Variants in RNF170 observed in about 807,000 individuals in gnomAD.
RNF170 encodes the protein E3 ubiquitin-protein ligase RNF170.
Under a neutral mutation model 32.7 loss-of-function variants are expected in RNF170, and 12 were observed. The observed-to-expected ratio is 0.37, with a 90% CI of 0.24 to 0.60. The LOEUF is 0.60. Among genes scored for constraint, RNF170 ranks in the 20% least tolerant of loss-of-function variants. RNF170 has a pLI of 0.72. For missense variants in RNF170, 212 were observed against 311.2 expected (o/e 0.68, Z 2.40); for synonymous variants, 91 against 103.6 (o/e 0.88, Z 0.74).
chr8:42,853,983 A>G lies in RNF170; in HGVS notation c.*2176T>C, dbSNP rs751358691. 2 of 1,287,080 alleles carry G rather than the reference A, an allele frequency of 1.6e-6. No individual in the cohort carries two copies. Among genetic ancestry groups the G allele is most frequent in the South Asian group, 1.2e-5 (1 of 80,942 alleles). 79.7% of individuals were successfully genotyped at this position (1,287,080 alleles called of 1,614,324 possible). A position where few individuals can be genotyped will look rare whatever the true frequency, so the allele number is the denominator to read the frequency against. Reference sequence around the variant, plus strand: ...ACACAAAATAAAATCCTGTCAAAAAATGACATCACCATTCCCCCACACCAA... The same window carrying G: ...ACACAAAATAAAATCCTGTCAAAAAGTGACATCACCATTCCCCCACACCAA... On this transcript the variant is annotated 3_prime_UTR_variant, in exon 7 of 7. Coordinates refer to ENST00000527424, the MANE Select transcript of RNF170 (RefSeq NM_030954.4).
At chr8:42,849,995 A>C (rs527493897), downstream of RNF170, 1 of 152,296 alleles carries the variant, frequency 6.6e-6, no homozygotes. Flanking sequence ...AAGTTTCCTT[A>C]TGGTGGACAG....
At chr8:42,888,671 T>C (rs1185793375) in intron 1 of RNF170, among the ~76,000 whole-genome samples, 1 of 151,938 alleles carries the variant, frequency 6.6e-6, no homozygotes, top group Admixed American at 6.6e-5. Flanking sequence ...GGCAGGAGAA[T>C]CGCTTGAACC....
At chr8:42,881,782 A>G (rs562798313) in intron 2 of RNF170, among the ~76,000 whole-genome samples, 4 of 152,236 alleles carry the variant, frequency 2.6e-5, no homozygotes, top group African/African-American at 7.2e-5. Context: ...AAAAAATACA[A>G]AAATTAGTTG....
intron 4 of RNF170, among the ~76,000 whole-genome samples, chr8:42,868,524 A>T (rs900190271): frequency 6.6e-6 from 1 of 152,166 alleles, no homozygotes; most frequent in African/African-American, 2.4e-5. Flanking sequence ...TGCAGAACTG[A>T]GCACAGGGAT....
Position 42,854,282 on chromosome 8 carries a change from T to G in RNF170, c.*1877A>C, listed in dbSNP as rs757718624. 1 of 1,287,248 alleles carries G rather than the reference T, an allele frequency of 7.8e-7. No individual in the cohort carries two copies. The highest frequency in any genetic ancestry group is 1.2e-5 in the South Asian group (1 of 80,940). 79.7% of individuals were successfully genotyped at this position (1,287,248 alleles called of 1,614,324 possible). Reference sequence around the variant, plus strand: ...ACCAGTTTCTCTCTTGCTGTTCCTCTTAACAACTTTCACGTCTATCTAAAC... The same window carrying G: ...ACCAGTTTCTCTCTTGCTGTTCCTCGTAACAACTTTCACGTCTATCTAAAC... On this transcript the variant is annotated 3_prime_UTR_variant, in exon 7 of 7. Coordinates refer to ENST00000527424, the MANE Select transcript of RNF170 (RefSeq NM_030954.4).
chr8:42,867,593 G>A (rs556334607), intron 4 of RNF170, among the ~76,000 whole-genome samples: 2 of 151,258 alleles, frequency 1.3e-5, no homozygotes, highest in African/African-American at 4.8e-5. Context: ...GGCTAACATG[G>A]TGAAACCCCA....
intron 1 of RNF170, among the ~76,000 whole-genome samples, chr8:42,894,713 C>T (rs1385969266): frequency 1.3e-5 from 2 of 152,216 alleles, no homozygotes; most frequent in East Asian, 1.9e-4. Context: ...TACAGGAGCC[C>T]GCCACCACGC....
chr8:42,857,697 T>C (rs547028072), intron 6 of RNF170, among the ~76,000 whole-genome samples: 18 of 152,286 alleles, frequency 1.2e-4, no homozygotes, highest in Admixed American at 9.8e-4. Flanking sequence ...CAAAAAATAA[T>C]AATTGAGTAA....
chr8:42,880,971 C>T (rs940806904), intron 2 of RNF170, among the ~76,000 whole-genome samples: 2 of 151,936 alleles, frequency 1.3e-5, no homozygotes, highest in African/African-American at 4.8e-5. Context: ...AGACATAGTG[C>T]TATTACACAC....
At chr8:42,867,124 A>G (rs1295259475) in intron 4 of RNF170, among the ~76,000 whole-genome samples, 4 of 152,214 alleles carry the variant, frequency 2.6e-5, no homozygotes, top group Admixed American at 2.6e-4. Flanking sequence ...GACCAAGATG[A>G]CATACTCAAA....
chr8:42,873,948 G>T lies in RNF170; in HGVS notation c.196C>A (p.Gln66Lys). 1 of 1,592,648 alleles carries T rather than the reference G, an allele frequency of 6.3e-7. No homozygotes were observed. The highest frequency in any genetic ancestry group is 8.6e-7 in the Non-Finnish European group (1 of 1,160,632). The stretch of plus-strand genomic sequence containing the variant: ...TACAATACCTGTTCTGTTTGAAGCT[G>T]TTCTCGAAGTACCCTTACTAGCTCC... ...NQELVRVLRE[Q>K]LQTEQDAPAA... Residue 66 changes from glutamine to lysine, a missense_variant, in exon 3 of 7, where the codon CAG becomes AAG. Transcript: ENST00000527424.
intron 5 of RNF170, among the ~76,000 whole-genome samples, chr8:42,862,260 G>GTT (rs1311496259): frequency 2.0e-5 from 3 of 152,084 alleles, no homozygotes; most frequent in African/African-American, 7.2e-5. Context: ...ATAATGATTG[G>GTT]TTATTCTTAC....
rs530283584 is a variant in RNF170 at position 42,859,106 on chromosome 8, C to T, written c.507+2639G>A. On this transcript the variant is annotated intron_variant, in intron 6 of 6. Coordinates refer to ENST00000527424, the MANE Select transcript of RNF170 (RefSeq NM_030954.4). The stretch of plus-strand genomic sequence containing the variant: ...GGCTGAGGTGGGAGGAAGGCTTGAG[C>T]CCAGGAGGCAAACGTTGCAGCGAGC... Among the ~76,000 whole-genome samples, 4 of 152,238 alleles carry T rather than the reference C, an allele frequency of 2.6e-5. No homozygotes were observed. In the South Asian group the frequency reaches 8.3e-4, roughly 32 times the overall value.
Position 42,854,048 on chromosome 8 carries a change from T to C in RNF170, c.*2111A>G. Reference sequence around the variant, plus strand: ...GGAAATGCATTTCCAGTCTGGTACATGGCAGTGTGACAAACTCCTACTCAC... The same window carrying C: ...GGAAATGCATTTCCAGTCTGGTACACGGCAGTGTGACAAACTCCTACTCAC... On this transcript the variant is annotated 3_prime_UTR_variant, in exon 7 of 7. Coordinates refer to ENST00000527424, the MANE Select transcript of RNF170 (RefSeq NM_030954.4). 7.8e-7 allele frequency: 1 copy of C among 1,287,240 alleles called. No homozygotes were observed. 79.7% of individuals were successfully genotyped at this position (1,287,240 alleles called of 1,614,324 possible).
chr8:42,861,665 T>C (rs1333479126), intron 6 of RNF170, 80 bp downstream of exon 6: 6 of 1,144,776 alleles, frequency 5.2e-6, no homozygotes, highest in Non-Finnish European at 5.2e-6. Context: ...AGTCAAAGAA[T>C]ACTTGTTGGT....
At chr8:42,887,031 G>A (rs995691113) in intron 2 of RNF170, among the ~76,000 whole-genome samples, 3 of 152,100 alleles carry the variant, frequency 2.0e-5, no homozygotes, top group African/African-American at 7.2e-5. Flanking sequence ...AGTGGCTCAA[G>A]CCTGTAATCC....
chr8:42,856,668 C>T (rs1288720736), intron 6 of RNF170, among the ~76,000 whole-genome samples: 3 of 152,108 alleles, frequency 2.0e-5, no homozygotes, highest in East Asian at 1.9e-4. Context: ...GCTTAAAATA[C>T]GGGATATAGT....
intron 5 of RNF170, among the ~76,000 whole-genome samples, chr8:42,864,622 CCCT>C (rs1461699494): frequency 6.6e-6 from 1 of 152,004 alleles, no homozygotes; most frequent in Non-Finnish European, 1.5e-5. Flanking sequence ...CTTACTGCCT[CCCT>C]CCTCAGGTGG....
In RNF170 at chr8:42,855,838, TTAATC is replaced by T. The variant is rs767786425; in HGVS notation, c.*316_*320del. Reference sequence around the variant, plus strand: ...TAACAATATTTTACTATACATCTAATTAATCTAAGTAATTCTGGGGAAAAGAAAAA... The same window carrying T: ...TAACAATATTTTACTATACATCTAATTAAGTAATTCTGGGGAAAAGAAAAA... On this transcript the variant is annotated 3_prime_UTR_variant, in exon 7 of 7. Transcript: ENST00000527424. 4.6e-5 allele frequency: 56 copies of T among 1,206,912 alleles called. No individual in the cohort carries two copies. Among genetic ancestry groups the T allele is most frequent in the South Asian group, 8.1e-5 (6 of 73,828 alleles). 74.8% of individuals were successfully genotyped at this position (1,206,912 alleles called of 1,614,324 possible). A position where few individuals can be genotyped will look rare whatever the true frequency, so the allele number is the denominator to read the frequency against.
Sources: gnomAD v4.1 joint callset for allele counts (sites outside exome capture counted in the v4.1 genomes callset) on GRCh38, gnomAD v4.1.1 for gene constraint, MANE v1.5 for transcripts, NCBI Gene and HGNC (gene_info 2026-07-23, HGNC 2026-07-21) for gene names.